Variants in BRWD3 observed in about 807,000 individuals in gnomAD.
The protein encoded by BRWD3 is bromodomain and WD repeat domain containing 3, also known as bromodomain and WD repeat-containing protein 3.
In BRWD3, 10 loss-of-function variants were observed where a neutral mutation model predicts 149.7. The observed-to-expected ratio is 0.07, with a 90% confidence interval of 0.04 to 0.11. BRWD3 has a LOEUF of 0.11. Among genes scored for constraint, BRWD3 ranks in the 10% least tolerant of loss-of-function variants. The pLI, the probability that BRWD3 is intolerant of heterozygous loss-of-function variation, is 1.00. For missense variants in BRWD3, 940 were observed against 1,373.2 expected, an observed-to-expected ratio of 0.68 and a Z score of 4.99; for synonymous variants, 504 against 456.7, an observed-to-expected ratio of 1.10 and a Z score of -1.32.
chrX:80,691,273 T>G, intron 30 of BRWD3, 100 bp from the exon 31 acceptor site: 126 of 800,099 alleles, frequency 1.6e-4, no homozygotes, highest in Non-Finnish European at 2.1e-4. Flanking sequence ...GAGGGTGATA[T>G]ACTACTTTTC....
intron 24 of BRWD3, among the ~76,000 whole-genome samples, chrX:80,702,129 A>C (rs1011556337): frequency 8.9e-6 from 1 of 112,394 alleles, no homozygotes; most frequent in Admixed American, 9.4e-5. Flanking sequence ...TGAAGTAAAA[A>C]GTAATGTTGC....
At chrX:80,713,611 C>G (rs1175809638) in intron 20 of BRWD3, among the ~76,000 whole-genome samples, 43 of 110,239 alleles carry the variant, frequency 3.9e-4, no homozygotes, top group Non-Finnish European at 3.8e-5. Context: ...ACTTGTTTAT[C>G]TGCTGACCTT....
rs1288795470 is a variant in BRWD3, at chrX:80,670,835, T to C, written c.*5774A>G. 8.9e-6 allele frequency: 1 copy of C among 111,863 alleles called. No homozygotes were observed. 9.2% of individuals were successfully genotyped at this position (111,863 alleles called of 1,213,427 possible). On this transcript the variant is annotated 3_prime_UTR_variant, in exon 41 of 41. Coordinates refer to ENST00000373275, the MANE Select transcript of BRWD3 (RefSeq NM_153252.5). ...TTATCTCCACTTCAATCTCTGAATA[T>C]TGTAAAAAATCAGTCTACTTTTTTC...
At chrX:80,736,276 CA>C (rs1467359088) in intron 8 of BRWD3, among the ~76,000 whole-genome samples, 188 bp from the exon 9 acceptor site, 2 of 111,003 alleles carry the variant, frequency 1.8e-5, no homozygotes, top group African/African-American at 6.5e-5. Context: ...TTTAAAATAT[CA>C]AAAAAACTAT....
At chrX:80,740,400 A>C in intron 8 of BRWD3, among the ~76,000 whole-genome samples, 1 of 112,123 alleles carries the variant, frequency 8.9e-6, no homozygotes, top group Non-Finnish European at 1.9e-5. Context: ...CATCTGGTAA[A>C]ACCACTATGT....
intron 17 of BRWD3, 50 bp downstream of exon 17, chrX:80,722,512 T>C (rs748225469): frequency 1.2e-5 from 13 of 1,086,226 alleles, no homozygotes; most frequent in Non-Finnish European, 1.5e-5. Context: ...ACAGCAGTAA[T>C]GTATAACATT....
intron 14 of BRWD3, among the ~76,000 whole-genome samples, chrX:80,725,677 C>A (rs1225409332): frequency 2.7e-5 from 3 of 110,837 alleles, no homozygotes; most frequent in Non-Finnish European, 3.8e-5. Flanking sequence ...GCCTATATAA[C>A]ATATAACATG....
rs2072936190 is a variant in BRWD3 at position 80,709,966 on chromosome X, C to T, written c.2326-389G>A. 2.8e-6 allele frequency: 3 copies of T among 1,054,286 alleles called. No homozygotes were observed. The South Asian group carries it at 5.6e-5, about 20-fold the overall frequency. 86.9% of individuals were successfully genotyped at this position (1,054,286 alleles called of 1,213,427 possible). A position where few individuals can be genotyped will look rare whatever the true frequency, so the allele number is the denominator to read the frequency against. On this transcript the variant is annotated intron_variant, in intron 20 of 40. Transcript: ENST00000373275. ...ATGACAATGATATCATTGTCTGGAG[C>T]AGGATTCATCAAACTGAATATGCAA...
chrX:80,707,511 A>G lies in BRWD3; in HGVS notation c.2476-8T>C, dbSNP rs748482665. 7.5e-6 allele frequency: 9 copies of G among 1,205,245 alleles called. No individual in the cohort carries two copies. Among genetic ancestry groups the G allele is most frequent in the Non-Finnish European group, 9.0e-6 (8 of 889,666 alleles). ...GCCAACAGTTTCATCTTCCTACAAC[A>G]AAGAGCCAGCAATTAAGATATATGG... On this transcript the variant is annotated splice_polypyrimidine_tract_variant and splice_region_variant and intron_variant, in intron 21 of 40. Transcript: ENST00000373275.
In BRWD3 at chrX:80,706,785, C is replaced by T. The variant is rs150114170; in HGVS notation, c.2552+642G>A. On this transcript the variant is annotated intron_variant, in intron 22 of 40. Coordinates refer to ENST00000373275, the MANE Select transcript of BRWD3 (RefSeq NM_153252.5). ...TGGTGTGCACCTGTACACCCTGCTA[C>T]GCAGGAGGCTGAGGTGGGACGACTG... 2.4e-3 allele frequency among the ~76,000 whole-genome samples: 266 copies of T among 112,978 alleles called. 2 individuals are homozygous for T. The highest frequency in any genetic ancestry group is 0.015 in the East Asian group (55 of 3,567).
At chrX:80,795,360 C>T (rs149158313) in intron 4 of BRWD3, among the ~76,000 whole-genome samples, 2,115 of 109,251 alleles carry the variant, frequency 0.019, 36 homozygotes, top group African/African-American at 0.042. Flanking sequence ...TATACACACA[C>T]ACACACATGT....
intron 27 of BRWD3, 112 bp downstream of exon 27, chrX:80,695,796 G>T: frequency 1.7e-6 from 1 of 604,549 alleles, no homozygotes; most frequent in Non-Finnish European, 2.6e-6. Context: ...TAGTTTCTCT[G>T]GTAGCTTTTT....
intron 6 of BRWD3, among the ~76,000 whole-genome samples, chrX:80,782,515 C>T (rs1423993068): frequency 9.0e-6 from 1 of 111,258 alleles, no homozygotes; most frequent in African/African-American, 3.3e-5. Context: ...AAAGTTTGTG[C>T]ACAACAAAGG....
intron 36 of BRWD3, among the ~76,000 whole-genome samples, chrX:80,684,378 C>T (rs1353531937): frequency 2.7e-5 from 3 of 111,576 alleles, no homozygotes; most frequent in East Asian, 2.8e-4. Flanking sequence ...CAGTAATAAC[C>T]GTAAATAACT....
chrX:80,749,139 C>T (rs73227312), intron 6 of BRWD3, among the ~76,000 whole-genome samples: 9,359 of 111,876 alleles, frequency 0.084, 372 homozygotes, highest in South Asian at 0.19. Flanking sequence ...CTGGAGAATA[C>T]TCCACATGTA....
intron 6 of BRWD3, 79 bp from the exon 7 acceptor site, chrX:80,745,808 G>A: frequency 2.2e-6 from 2 of 919,903 alleles, no homozygotes; most frequent in Non-Finnish European, 3.1e-6. Flanking sequence ...ATTAAGATGA[G>A]ACAAAACAGA....
intron 6 of BRWD3, among the ~76,000 whole-genome samples, chrX:80,747,057 T>C (rs1234171569): frequency 1.8e-5 from 2 of 110,535 alleles, no homozygotes; most frequent in Non-Finnish European, 3.8e-5. Flanking sequence ...TTGGCAGGTG[T>C]TCCCATCTCA....
In BRWD3 at chrX:80,673,167, A is replaced by C. The variant is rs1344393019; in HGVS notation, c.*3442T>G. Reference sequence around the variant, plus strand: ...GGCTGAGTTAAATATCTGAGCGCACAGTTGTGCAGAATGAGATTTCTAATT... The same window carrying C: ...GGCTGAGTTAAATATCTGAGCGCACCGTTGTGCAGAATGAGATTTCTAATT... On this transcript the variant is annotated 3_prime_UTR_variant, in exon 41 of 41. Transcript: ENST00000373275. 15 of 112,014 alleles carry C rather than the reference A, an allele frequency of 1.3e-4. No homozygotes were observed. Among genetic ancestry groups the C allele is most frequent in the Non-Finnish European group, 2.8e-4 (15 of 53,196 alleles). The allele number at this position is 112,014 out of a possible 1,213,427, so 9.2% of individuals were successfully genotyped here.
chrX:80,725,631 T>C (rs188873117), intron 14 of BRWD3, among the ~76,000 whole-genome samples: 26 of 111,840 alleles, frequency 2.3e-4, no homozygotes, highest in South Asian at 1.8e-3. Flanking sequence ...ATGTTATATG[T>C]CTATATAACA....
Sources: allele counts gnomAD v4.1 joint callset (sites outside exome capture counted in the v4.1 genomes callset), GRCh38; gene constraint gnomAD v4.1.1; transcripts MANE v1.5; gene names NCBI Gene and HGNC (gene_info 2026-07-23, HGNC 2026-07-21).